The following SRP72 variants were observed in gnomAD, a reference collection of about 807,000 sequenced individuals.
SRP72 encodes the protein signal recognition particle subunit SRP72.
In SRP72, 49 loss-of-function variants were observed where a neutral mutation model predicts 96.3. That is an observed-to-expected ratio of 0.51 (90% CI 0.40 to 0.65). SRP72 has a LOEUF of 0.65. SRP72 is among the 30% of genes least tolerant of loss of function. The pLI, the probability that SRP72 is intolerant of heterozygous loss-of-function variation, is 0.00. For synonymous variants in SRP72, 267 were observed against 275.2 expected (o/e 0.97, Z 0.30); for missense variants, 736 against 793.3 (o/e 0.93, Z 0.87).
rs1014413164 is a variant in SRP72, at chr4:56,482,478, G to C, written c.826-661G>C. Among the ~76,000 whole-genome samples, 7 of 151,898 alleles carry C rather than the reference G, an allele frequency of 4.6e-5. No individual in the cohort carries two copies. The East Asian group carries it at 1.4e-3, about 30-fold the overall frequency. On this transcript the variant is annotated intron_variant, in intron 8 of 18. Coordinates refer to ENST00000642900, the MANE Select transcript of SRP72 (RefSeq NM_006947.4). ...AAAAAAAGGTATGTACTTGTTTTCA[G>C]ACATAATGCTGTTGCACACTTAATA...
intron 5 of SRP72, among the ~76,000 whole-genome samples, chr4:56,475,076 C>G (rs905366116): frequency 1.3e-5 from 2 of 152,124 alleles, no homozygotes; most frequent in African/African-American, 4.8e-5. Flanking sequence ...ATAAATTTTT[C>G]CCTGGAAGCT....
chr4:56,486,430 T>G (rs1720713315), intron 11 of SRP72, 33 bp downstream of exon 11: 1 of 1,524,626 alleles, frequency 6.6e-7, no homozygotes, highest in African/African-American at 1.4e-5. Flanking sequence ...TAAAATATTT[T>G]AATGAAAACA....
At chr4:56,472,705 G>C (rs116261459) in intron 3 of SRP72, among the ~76,000 whole-genome samples, 1 of 152,094 alleles carries the variant, frequency 6.6e-6, no homozygotes, top group African/African-American at 2.4e-5. Flanking sequence ...TGAATGTATT[G>C]TCCTCAGGAG....
intron 17 of SRP72, among the ~76,000 whole-genome samples, chr4:56,497,462 G>A (rs1721117059): frequency 6.6e-6 from 1 of 151,812 alleles, no homozygotes; most frequent in South Asian, 2.1e-4. Context: ...CTCGTGATCT[G>A]CCCACCTCGG....
chr4:56,493,718 T>C (rs1307117047), intron 16 of SRP72, among the ~76,000 whole-genome samples: 1 of 151,962 alleles, frequency 6.6e-6, no homozygotes, highest in Admixed American at 6.6e-5. Context: ...ATACAAAAAT[T>C]AGCCGGGCGT....
chr4:56,471,973 A>G (rs1719995904), intron 3 of SRP72, 130 bp downstream of exon 3: 2 of 1,078,812 alleles, frequency 1.9e-6, no homozygotes, highest in East Asian at 2.6e-5. Context: ...ACCAGTCCTT[A>G]AGGTTTGAAC....
chr4:56,501,475 A>C (rs919955487), intron 18 of SRP72, among the ~76,000 whole-genome samples: 1 of 152,160 alleles, frequency 6.6e-6, no homozygotes, highest in Admixed American at 6.6e-5. Context: ...AAAACTTGGC[A>C]TGTGTACCAT....
intron 17 of SRP72, among the ~76,000 whole-genome samples, chr4:56,497,362 G>A (rs1578198300): frequency 6.6e-6 from 1 of 151,788 alleles, no homozygotes; most frequent in African/African-American, 2.4e-5. Context: ...TGGGACTGCA[G>A]GCGTACCCCA....
rs760265388 is a variant in SRP72, at chr4:56,486,406, G to A, written c.1159+9G>A. 2 of 1,577,012 alleles carry A rather than the reference G, an allele frequency of 1.3e-6. No homozygotes were observed. The highest frequency in any genetic ancestry group is 2.7e-5 in the African/African-American group (2 of 73,970). On this transcript the variant is annotated intron_variant, in intron 11 of 18. Coordinates refer to ENST00000642900, the MANE Select transcript of SRP72 (RefSeq NM_006947.4). ...GTTGAAAATTTCTCAAGGTATTATG[G>A]TTTTCATCATGATTAAAATATTTTA...
chr4:56,500,761 A>G (rs968537025), intron 18 of SRP72, 66 bp downstream of exon 18: 36 of 1,419,838 alleles, frequency 2.5e-5, no homozygotes, highest in Admixed American at 2.5e-4. Context: ...ACTCAAGGCT[A>G]TTAGTGAGAA....
intron 15 of SRP72, 47 bp from the exon 16 acceptor site, chr4:56,491,384 G>T: frequency 6.3e-7 from 1 of 1,594,940 alleles, no homozygotes; most frequent in African/African-American, 1.3e-5. Flanking sequence ...CTATATAAAT[G>T]TGTGTGTTTG....
At chr4:56,485,405 A>C (rs1282758857) in intron 10 of SRP72, among the ~76,000 whole-genome samples, 2 of 151,288 alleles carry the variant, frequency 1.3e-5, no homozygotes, top group Non-Finnish European at 1.5e-5. Flanking sequence ...CACAGCAAAA[A>C]AAAAAAAAAA....
chr4:56,474,617 C>T (rs1720133661), intron 5 of SRP72: 5 of 561,706 alleles, frequency 8.9e-6, no homozygotes, highest in Non-Finnish European at 1.6e-5. Flanking sequence ...GATCTCGGCT[C>T]ACTGCAACCT....
At chr4:56,484,633 AT>A (rs1720634829) in intron 9 of SRP72, 102 bp from the exon 10 acceptor site, 19 of 1,475,288 alleles carry the variant, frequency 1.3e-5, no homozygotes, top group Middle Eastern at 2.4e-4. Context: ...TTTGGTTAAT[AT>A]TTGTTTCAAC....
chr4:56,470,883 C>A (rs533266755), intron 2 of SRP72, among the ~76,000 whole-genome samples: 1 of 145,748 alleles, frequency 6.9e-6, no homozygotes, highest in Non-Finnish European at 1.5e-5. Flanking sequence ...GCTGGTGGAA[C>A]CTCCACCTTC....
chr4:56,488,057 A>C, intron 12 of SRP72, 44 bp downstream of exon 12: 2 of 1,339,528 alleles, frequency 1.5e-6, no homozygotes, highest in Non-Finnish European at 2.1e-6. Flanking sequence ...TTGAATTGAT[A>C]ATTTGTATGT....
intron 18 of SRP72, among the ~76,000 whole-genome samples, chr4:56,501,404 C>G (rs1721257314): frequency 6.6e-6 from 1 of 151,852 alleles, no homozygotes; most frequent in African/African-American, 2.4e-5. Flanking sequence ...GCATTCCAGC[C>G]TGAGGGACAG....
rs564217942 is a variant in SRP72, at chr4:56,483,638, C to T, written c.957+368C>T. On this transcript the variant is annotated intron_variant, in intron 9 of 18. Coordinates refer to ENST00000642900, the MANE Select transcript of SRP72 (RefSeq NM_006947.4). ...GAGCTGAGATTGTGCCACTTCACTC[C>T]AGCCTGGGCAACAGAGAGAGACTGT... Among the ~76,000 whole-genome samples the T allele has an allele frequency of 1.3e-4, 19 of 151,436 alleles. No individual in the cohort carries two copies. The South Asian group carries it at 4.0e-3, about 32-fold the overall frequency.
intron 9 of SRP72, among the ~76,000 whole-genome samples, chr4:56,484,174 C>T (rs1373789967): frequency 6.6e-6 from 1 of 151,548 alleles, no homozygotes; most frequent in Non-Finnish European, 1.5e-5. Context: ...GCTGGGACTA[C>T]AGGCGCCCAG....
Sources: gnomAD v4.1 joint callset for allele counts (sites outside exome capture counted in the v4.1 genomes callset) on GRCh38, gnomAD v4.1.1 for gene constraint, MANE v1.5 for transcripts, NCBI Gene and HGNC (gene_info 2026-07-23, HGNC 2026-07-21) for gene names.